The following CCDC126 variants were observed in gnomAD, a reference collection of about 807,000 sequenced individuals.
The protein encoded by CCDC126 is coiled-coil domain containing 126, also known as coiled-coil domain-containing protein 126.
CCDC126 carries 5 observed loss-of-function variants against 11.7 expected under a neutral mutation model. The ratio of observed to expected loss-of-function variants is 0.43; its 90% CI spans 0.22 to 0.90. CCDC126 has a LOEUF of 0.90. Among genes scored for constraint, CCDC126 ranks in the 40% least tolerant of loss-of-function variants. CCDC126 has a pLI of 0.27. For synonymous variants in CCDC126, 60 were observed against 61.9 expected (o/e 0.97, Z 0.14); for missense variants, 150 against 163.1 (o/e 0.92, Z 0.44).
At chr7:23,630,197 A>G (rs1305387134) in intron 3 of CCDC126, among the ~76,000 whole-genome samples, 6 of 152,254 alleles carry the variant, frequency 3.9e-5, no homozygotes, top group East Asian at 3.9e-4. Flanking sequence ...TGGAATGCAC[A>G]TTTTTCAAGA....
chr7:23,604,882 C>T (rs1362827964), intron 2 of CCDC126, among the ~76,000 whole-genome samples: 2 of 151,584 alleles, frequency 1.3e-5, no homozygotes, highest in African/African-American at 4.9e-5. Context: ...CCTGTAGTCC[C>T]AGCTACTTGG....
At chr7:23,621,105 A>G (rs1343021868) in intron 3 of CCDC126, among the ~76,000 whole-genome samples, 2 of 152,316 alleles carry the variant, frequency 1.3e-5, no homozygotes, top group South Asian at 2.1e-4. Flanking sequence ...GTTTTTTCCA[A>G]TTCTGTGAAG....
At chr7:23,637,864 G>A (rs533039133) in intron 3 of CCDC126, among the ~76,000 whole-genome samples, 62 of 97,536 alleles carry the variant, frequency 6.4e-4, no homozygotes, top group Non-Finnish European at 1.1e-3. Context: ...CCGCCCGGCC[G>A]GCCGCCCCGT....
chr7:23,622,545 G>A (rs1237145193), intron 3 of CCDC126: 2 of 532,106 alleles, frequency 3.8e-6, no homozygotes, highest in East Asian at 1.1e-4. Context: ...CTGTATGCCA[G>A]GTGTATCCCT....
intron 2 of CCDC126, among the ~76,000 whole-genome samples, chr7:23,604,946 C>A (rs146218363): frequency 1.4e-5 from 2 of 148,118 alleles, no homozygotes; most frequent in African/African-American, 5.0e-5. Flanking sequence ...TGCAGTGAGC[C>A]GAGATTGAGC....
In CCDC126 at chr7:23,635,066, T is replaced by C. The variant is rs550257822; in HGVS notation, c.239-7865T>C. On this transcript the variant is annotated intron_variant, in intron 3 of 3. Transcript: ENST00000307471. ...TAGGTCTATGTTTTTATGTGATTCTTTTCCCTTCTTAAACTATTTGATCTT... is the reference window on the plus strand; with the variant it reads ...TAGGTCTATGTTTTTATGTGATTCTCTTCCCTTCTTAAACTATTTGATCTT... Among the ~76,000 whole-genome samples the C allele has an allele frequency of 1.3e-5, 2 of 152,346 alleles. 1 individual carries two copies. The highest frequency in any genetic ancestry group is 1.3e-4 in the Admixed American group (2 of 15,308).
At chr7:23,640,445 C>G (rs995295162) in intron 3 of CCDC126, among the ~76,000 whole-genome samples, 1 of 151,894 alleles carries the variant, frequency 6.6e-6, no homozygotes, top group African/African-American at 2.4e-5. Context: ...TGCGATGAGC[C>G]GAGATCGCGC....
At chr7:23,631,062 G>C (rs1173699907) in intron 3 of CCDC126, among the ~76,000 whole-genome samples, 4 of 151,872 alleles carry the variant, frequency 2.6e-5, no homozygotes, top group African/African-American at 7.3e-5. Flanking sequence ...AAGAGGAAAA[G>C]TCTCAAATCC....
chr7:23,610,121 T>C (rs1268805439), intron 2 of CCDC126, among the ~76,000 whole-genome samples: 1 of 152,224 alleles, frequency 6.6e-6, no homozygotes, highest in Non-Finnish European at 1.5e-5. Flanking sequence ...CTTTTAATTT[T>C]TTCTTAAATT....
chr7:23,608,675 C>G (rs1287627938), intron 2 of CCDC126, among the ~76,000 whole-genome samples: 4 of 152,128 alleles, frequency 2.6e-5, no homozygotes, highest in African/African-American at 9.7e-5. Flanking sequence ...TGAAGTGTAT[C>G]TGACTGCCCA....
chr7:23,605,912 C>T (rs1782615051), intron 2 of CCDC126, among the ~76,000 whole-genome samples: 1 of 151,880 alleles, frequency 6.6e-6, no homozygotes, highest in South Asian at 2.1e-4. Context: ...GCAGCCACAC[C>T]ATTTTATGTG....
At chr7:23,636,380 G>C (rs1447474259) in intron 3 of CCDC126, among the ~76,000 whole-genome samples, 1 of 150,028 alleles carries the variant, frequency 6.7e-6, no homozygotes, top group African/African-American at 2.5e-5. Flanking sequence ...AGTGAGGAGC[G>C]TCTCTGCCCG....
At chr7:23,605,993 T>C (rs563673558) in intron 2 of CCDC126, among the ~76,000 whole-genome samples, 2 of 150,574 alleles carry the variant, frequency 1.3e-5, no homozygotes, top group Non-Finnish European at 3.0e-5. Context: ...TTTTTTTTTG[T>C]GTGTGTGTGT....
rs754297249 is a variant in CCDC126 at position 23,640,991 on chromosome 7, G to GATTTTTTTTTTTTTTTTTTTTTTTTTT, written c.239-1940_239-1939insATTTTTTTTTTTTTTTTTTTTTTTTTT. ...ATCCCTCTGAGCTCTGAATCCTTTTGGTTTTTTTTTTTTTTTTTTTTTTTG... is the reference window on the plus strand; with the variant it reads ...ATCCCTCTGAGCTCTGAATCCTTTTGATTTTTTTTTTTTTTTTTTTTTTTTTTGTTTTTTTTTTTTTTTTTTTTTTTG... On this transcript the variant is annotated intron_variant, in intron 3 of 3. Coordinates refer to ENST00000307471, the MANE Select transcript of CCDC126 (RefSeq NM_138771.4). 5.4e-5 allele frequency among the ~76,000 whole-genome samples: 6 copies of GATTTTTTTTTTTTTTTTTTTTTTTTTT among 111,000 alleles called. 2 individuals carry two copies. The highest frequency in any genetic ancestry group is 3.6e-5 in the Non-Finnish European group (2 of 56,286). The allele number at this position is 111,000 out of a possible 152,430, so 72.8% of individuals were successfully genotyped here. A position where few individuals can be genotyped will look rare whatever the true frequency, so the allele number is the denominator to read the frequency against.
At chr7:23,636,319 C>G (rs1783211852) in intron 3 of CCDC126, among the ~76,000 whole-genome samples, 1 of 151,306 alleles carries the variant, frequency 6.6e-6, no homozygotes, top group African/African-American at 2.4e-5. Context: ...TGCCTGGCCC[C>G]CCATCGTCTG....
intron 3 of CCDC126, among the ~76,000 whole-genome samples, chr7:23,618,491 G>A (rs1782831765): frequency 6.6e-6 from 1 of 151,466 alleles, no homozygotes; most frequent in Admixed American, 6.6e-5. Flanking sequence ...GGAAATTCCA[G>A]GCACTTAGTG....
At chr7:23,616,406 A>G (rs1266805589) in intron 3 of CCDC126, among the ~76,000 whole-genome samples, 1 of 151,998 alleles carries the variant, frequency 6.6e-6, no homozygotes, top group Non-Finnish European at 1.5e-5. Context: ...CTTCCTCTTT[A>G]TTGGTTATCC....
intron 3 of CCDC126, among the ~76,000 whole-genome samples, chr7:23,634,864 TC>T (rs1783179419): frequency 6.6e-6 from 1 of 152,172 alleles, no homozygotes; most frequent in Admixed American, 6.5e-5. Context: ...CTCTGGTAAA[TC>T]ACTACATTCT....
At chr7:23,605,062 G>A (rs1444510600) in intron 2 of CCDC126, among the ~76,000 whole-genome samples, 1 of 151,862 alleles carries the variant, frequency 6.6e-6, no homozygotes, top group Non-Finnish European at 1.5e-5. Flanking sequence ...AGGAATTGGA[G>A]TGCAACTTTT....
Sources: gnomAD v4.1 joint callset for allele counts (sites outside exome capture counted in the v4.1 genomes callset) on GRCh38, gnomAD v4.1.1 for gene constraint, MANE v1.5 for transcripts, NCBI Gene and HGNC (gene_info 2026-07-23, HGNC 2026-07-21) for gene names.